The following MAP1B variants were observed in gnomAD, a reference collection of about 807,000 sequenced individuals.
MAP1B encodes the protein microtubule-associated protein 1B.
MAP1B carries 12 observed loss-of-function variants against 176.1 expected under a neutral mutation model. The observed-to-expected ratio is 0.07, with a 90% confidence interval of 0.04 to 0.11. The LOEUF is 0.11. Ranked by LOEUF, MAP1B falls within the 10% of genes least tolerant of loss-of-function variation. MAP1B has a pLI of 1.00. For missense variants in MAP1B, 2,523 were observed against 2,990.5 expected, an observed-to-expected ratio of 0.84 and a Z score of 3.65; for synonymous variants, 1,044 against 1,135.0, an observed-to-expected ratio of 0.92 and a Z score of 1.61.
In MAP1B at chr5:72,197,520, T is replaced by A. The variant is rs769944309; in HGVS notation, c.4165T>A (p.Ser1389Thr). ...GGATGAGCCCGTGCCTGACTCAGAG[T>A]CTCCTATTGAAAAAGTTTTGTCTCC... is the stretch of plus-strand genomic sequence containing the variant. Reference protein sequence around the residue: ...PMDEPVPDSESPIEKVLSPLR... With the variant: ...PMDEPVPDSETPIEKVLSPLR... The change falls in exon 5 of 7, where the codon TCT (serine) becomes ACT (threonine). Residue 1389 changes from serine to threonine, a missense_variant. Physicochemically the swap from Ser to Thr is moderately conservative, Grantham distance 58. Transcript: ENST00000296755. 1.9e-6 allele frequency: 3 copies of A among 1,613,950 alleles called. No homozygotes were observed. In the East Asian group the frequency reaches 6.7e-5, roughly 36 times the overall value.
intron 2 of MAP1B, among the ~76,000 whole-genome samples, chr5:72,131,068 A>G (rs906271797): frequency 6.6e-5 from 10 of 152,178 alleles, no homozygotes; most frequent in African/African-American, 2.4e-4. Flanking sequence ...GCAAATGAAG[A>G]CACAGTCCCT....
intron 2 of MAP1B, among the ~76,000 whole-genome samples, chr5:72,155,790 G>A (rs1288206070): frequency 5.9e-5 from 8 of 134,536 alleles, no homozygotes; most frequent in East Asian, 2.2e-4. Context: ...TTTTTGAGAC[G>A]GAGTCTCACT....
At position 72,176,785 on chromosome 5, in the gene MAP1B, T is replaced by G. The variant is rs1326888809; in HGVS notation, c.287-6958T>G. On this transcript the variant is annotated intron_variant, in intron 2 of 6. Coordinates refer to ENST00000296755, the MANE Select transcript of MAP1B (RefSeq NM_005909.5). ...CACATTGAATTATGCTTTTGCCACC[T>G]TTTTGTTCATGTTCCCTGTTGCCTC... Among the ~76,000 whole-genome samples, 8 of 152,348 alleles carry G rather than the reference T, an allele frequency of 5.3e-5. No individual in the cohort carries two copies. In the East Asian group the frequency reaches 1.4e-3, roughly 26 times the overall value.
intron 2 of MAP1B, among the ~76,000 whole-genome samples, chr5:72,132,360 T>C (rs544845339): frequency 1.3e-5 from 2 of 152,354 alleles, no homozygotes; most frequent in East Asian, 3.9e-4. Context: ...GCAAAGTTCT[T>C]TCCCATGTGC....
chr5:72,126,133 G>A (rs78060588), intron 2 of MAP1B, among the ~76,000 whole-genome samples: 2,943 of 152,258 alleles, frequency 0.019, 59 homozygotes, highest in African/African-American at 0.055. Context: ...GAGGGAAGCA[G>A]GGAGGGGACA....
rs746663170 is a variant in MAP1B, at chr5:72,199,936, C to T, written c.6581C>T (p.Thr2194Met). 15 of 1,614,072 alleles carry T rather than the reference C, an allele frequency of 9.3e-6. 1 individual carries two copies. Among genetic ancestry groups the T allele is most frequent in the South Asian group, 5.5e-5 (5 of 91,086 alleles). Residue 2194 changes from threonine (T) to methionine (M), a missense_variant, in exon 5 of 7, where the codon ACG (threonine) becomes ATG (methionine). By Grantham distance (81) the Thr-to-Met change is moderately conservative. Coordinates refer to ENST00000296755, the MANE Select transcript of MAP1B (RefSeq NM_005909.5). This position sits in a 1 kb window ranked among gnomAD's most constrained non-coding sequence, Gnocchi z 4.2. The stretch of plus-strand genomic sequence containing the variant: ...ACCATCCCCACAGACAAAACTGTCA[C>T]GTACAAACACATGGACCCACCTCCA... ...SETIPTDKTV[T>M]YKHMDPPPAP...
rs181418069 is a variant in MAP1B, at chr5:72,161,683, G to A, written c.287-22060G>A. Among the ~76,000 whole-genome samples, 22 of 152,258 alleles carry A rather than the reference G, an allele frequency of 1.4e-4. No homozygotes were observed. In the East Asian group the frequency reaches 2.7e-3, roughly 19 times the overall value. On this transcript the variant is annotated intron_variant, in intron 2 of 6. Coordinates refer to ENST00000296755, the MANE Select transcript of MAP1B (RefSeq NM_005909.5). ...TGAAAAAAAGCAGAGCTGGCTCAGC[G>A]CAGTGGCTCACACCTGTAATCCCAG...
intron 3 of MAP1B, among the ~76,000 whole-genome samples, chr5:72,185,325 G>C (rs947863949): frequency 1.3e-5 from 2 of 152,230 alleles, no homozygotes; most frequent in Non-Finnish European, 2.9e-5. Context: ...GCTGAGGAAA[G>C]TGATGGGATA....
intron 2 of MAP1B, among the ~76,000 whole-genome samples, chr5:72,117,984 T>C (rs1745463261): frequency 6.6e-6 from 1 of 152,188 alleles, no homozygotes; most frequent in Non-Finnish European, 1.5e-5. Flanking sequence ...TAAGAAGACA[T>C]GGAGATCACA....
rs1747523264 is a variant in MAP1B, at chr5:72,209,531, A to AG, written c.*4292_*4293insG. On this transcript the variant is annotated 3_prime_UTR_variant, in exon 7 of 7. Transcript: ENST00000296755. ...TATTTGATGTAAAGGAAAAAAAAAA[A>AG]CTCAGTTCCACAATAAAATACAAAA... The AG allele has an allele frequency of 6.6e-6, 1 of 151,922 alleles. No individual in the cohort carries two copies. Among genetic ancestry groups the AG allele is most frequent in the Non-Finnish European group, 1.5e-5 (1 of 67,986 alleles). The allele number at this position is 151,922 out of a possible 1,614,324, so 9.4% of individuals were successfully genotyped here.
At chr5:72,163,260 A>T (rs1203312067) in intron 2 of MAP1B, among the ~76,000 whole-genome samples, 1 of 151,250 alleles carries the variant, frequency 6.6e-6, no homozygotes, top group African/African-American at 2.4e-5. Flanking sequence ...AAAGAAAAAT[A>T]TAGAGAAACC....
chr5:72,185,250 C>T (rs1168601243), intron 3 of MAP1B, among the ~76,000 whole-genome samples: 2 of 152,208 alleles, frequency 1.3e-5, no homozygotes, highest in African/African-American at 2.4e-5. Context: ...GTGATGTCAC[C>T]TGTCATGACT....
intron 2 of MAP1B, among the ~76,000 whole-genome samples, chr5:72,146,862 G>T (rs2112160778): frequency 6.6e-6 from 1 of 152,220 alleles, no homozygotes; most frequent in Non-Finnish European, 1.5e-5. Flanking sequence ...TCTTTCTGGG[G>T]CAACTGAAAA....
intron 2 of MAP1B, among the ~76,000 whole-genome samples, chr5:72,137,218 C>G (rs189978406): frequency 6.6e-6 from 1 of 152,318 alleles, no homozygotes; most frequent in African/African-American, 2.4e-5. Flanking sequence ...ATCCTGTAGA[C>G]TGGTGTTGAC....
chr5:72,174,051 G>T (rs2112198009), intron 2 of MAP1B, among the ~76,000 whole-genome samples: 2 of 152,318 alleles, frequency 1.3e-5, no homozygotes, highest in East Asian at 3.9e-4. Flanking sequence ...AATCACTTCA[G>T]CCCGGGAGGT....
In MAP1B at chr5:72,107,557, C is replaced by A; in HGVS notation, c.26C>A (p.Thr9Asn). 1 of 1,578,182 alleles carries A rather than the reference C, an allele frequency of 6.3e-7. No individual in the cohort carries two copies. The highest frequency in any genetic ancestry group is 8.6e-7 in the Non-Finnish European group (1 of 1,167,482). The change falls in exon 1 of 7, where the codon ACC (threonine) becomes AAC (asparagine). Residue 9 changes from threonine to asparagine, a missense_variant. This residue lies in a region of MAP1B where 307 missense variants were observed against 438.4 expected (regional missense o/e 0.70). Transcript: ENST00000296755. MATVVVEA[T>N]EPEPSGSIAN... ...ATGGCGACCGTGGTGGTGGAAGCCA[C>A]CGAGCCGGAGCCGTCCGGCAGCATC...
intron 2 of MAP1B, among the ~76,000 whole-genome samples, chr5:72,169,767 A>G (rs1242955277): frequency 6.6e-6 from 1 of 152,198 alleles, no homozygotes; most frequent in Non-Finnish European, 1.5e-5. Flanking sequence ...GTTGGAGGCA[A>G]TAGCTCATAT....
At chr5:72,168,270 C>G (rs1746468987) in intron 2 of MAP1B, among the ~76,000 whole-genome samples, 1 of 152,224 alleles carries the variant, frequency 6.6e-6, no homozygotes, top group African/African-American at 2.4e-5. Flanking sequence ...GTGTTGCTTT[C>G]TGGGCAGGAA....
At chr5:72,113,683 T>G (rs2112117388) in intron 1 of MAP1B, among the ~76,000 whole-genome samples, 1 of 152,364 alleles carries the variant, frequency 6.6e-6, no homozygotes, top group South Asian at 2.1e-4. Context: ...TGTCTCATTA[T>G]TAACTTATTG....
Sources: gnomAD v4.1 joint callset for allele counts (sites outside exome capture counted in the v4.1 genomes callset) on GRCh38, gnomAD v4.1.1 for gene constraint, gnomAD v4.1.1 regional missense constraint, Gnocchi (gnomAD v3.1) non-coding constraint, MANE v1.5 for transcripts, NCBI Gene and HGNC (gene_info 2026-07-23, HGNC 2026-07-21) for gene names.